TSPAN15: variants seen among roughly 807,000 people sequenced by gnomAD.
TSPAN15 encodes the protein tetraspanin 15.
In TSPAN15, 20 loss-of-function variants were observed where a neutral mutation model predicts 34.5. That is an observed-to-expected ratio of 0.58 (90% CI 0.41 to 0.84). TSPAN15 has a LOEUF of 0.84. Ranked by LOEUF, TSPAN15 falls within the 40% of genes least tolerant of loss-of-function variation. TSPAN15 has a pLI of 0.00. For missense variants in TSPAN15, 313 were observed against 386.1 expected (o/e 0.81, Z 1.59); for synonymous variants, 155 against 153.9 (o/e 1.01, Z -0.05).
chr10:69,487,509 G>T (rs1841879228), intron 3 of TSPAN15, among the ~76,000 whole-genome samples: 2 of 152,036 alleles, frequency 1.3e-5, no homozygotes, highest in Admixed American at 1.3e-4. Flanking sequence ...TCTCTGTGCA[G>T]CCAGCAGAGC....
At chr10:69,471,551 T>TTCTC (rs111306890) in intron 1 of TSPAN15, among the ~76,000 whole-genome samples, 12 of 151,192 alleles carry the variant, frequency 7.9e-5, no homozygotes, top group African/African-American at 2.7e-4. Context: ...CTTTCTTTCT[T>TTCTC]TCTCTCTCAC....
chr10:69,547,793 G>A, the TSPAN15 span, among the ~76,000 whole-genome samples: 1 of 152,162 alleles, frequency 6.6e-6, no homozygotes, highest in Admixed American at 6.5e-5. Flanking sequence ...GCCTCCTCAG[G>A]CCTTCTACCC....
chr10:69,543,701 G>C, the TSPAN15 span, among the ~76,000 whole-genome samples: 2 of 152,276 alleles, frequency 1.3e-5, no homozygotes, highest in South Asian at 4.1e-4. Flanking sequence ...CTCCTCCCTG[G>C]CGGTGGTCCG....
At chr10:69,528,232 C>T in the TSPAN15 span, among the ~76,000 whole-genome samples, 294 of 148,584 alleles carry the variant, frequency 2.0e-3, 26 homozygotes, top group Middle Eastern at 0.017. Context: ...CTGGGGCAGG[C>T]GCACTGCAAG....
intron 1 of TSPAN15, among the ~76,000 whole-genome samples, chr10:69,456,329 C>G (rs965327406): frequency 6.6e-6 from 1 of 152,174 alleles, no homozygotes; most frequent in East Asian, 1.9e-4. Flanking sequence ...TTAAATGATC[C>G]ACCAGCCTGG....
chr10:69,486,499 T>G (rs572716353), intron 3 of TSPAN15, among the ~76,000 whole-genome samples: 21 of 149,286 alleles, frequency 1.4e-4, no homozygotes. Flanking sequence ...GGAGCAGTGG[T>G]GCAGTCATAG....
At chr10:69,534,212 T>C in the TSPAN15 span, among the ~76,000 whole-genome samples, 1 of 152,196 alleles carries the variant, frequency 6.6e-6, no homozygotes, top group Non-Finnish European at 1.5e-5. Flanking sequence ...GGATTTTATA[T>C]CCAGCAAAGG....
At chr10:69,485,510 C>G (rs780796478) in intron 3 of TSPAN15, among the ~76,000 whole-genome samples, 9 of 151,748 alleles carry the variant, frequency 5.9e-5, no homozygotes, top group Admixed American at 5.2e-4. Context: ...AGCATGTGAG[C>G]AAAACAGCGT....
intron 1 of TSPAN15, among the ~76,000 whole-genome samples, chr10:69,471,282 A>T (rs1176503483): frequency 6.6e-6 from 1 of 151,650 alleles, no homozygotes; most frequent in Non-Finnish European, 1.5e-5. Flanking sequence ...TGTATCTAGA[A>T]CCACTTTCAT....
At chr10:69,505,552 A>G (rs573006046) in intron 6 of TSPAN15, among the ~76,000 whole-genome samples, 16 of 151,552 alleles carry the variant, frequency 1.1e-4, no homozygotes, top group Admixed American at 3.3e-4. Flanking sequence ...GTATATTAAA[A>G]CCAATGCAGA....
the TSPAN15 span, among the ~76,000 whole-genome samples, chr10:69,518,387 C>CAG: frequency 0.083 from 12,660 of 152,212 alleles, 647 homozygotes; most frequent in African/African-American, 0.13. Flanking sequence ...GTAAAGGAAA[C>CAG]AGGAATAAAT....
chr10:69,491,604 C>T (rs1841971457), intron 3 of TSPAN15, among the ~76,000 whole-genome samples: 1 of 151,796 alleles, frequency 6.6e-6, no homozygotes, highest in Non-Finnish European at 1.5e-5. Context: ...CTCAAGTAAT[C>T]CTCCTGCCTT....
chr10:69,516,314 A>G, the TSPAN15 span, among the ~76,000 whole-genome samples: 1 of 152,214 alleles, frequency 6.6e-6, no homozygotes, highest in African/African-American at 2.4e-5. Context: ...AAATGGAAGA[A>G]CCAGGATTTG....
intron 1 of TSPAN15, among the ~76,000 whole-genome samples, chr10:69,461,062 G>A (rs1841242634): frequency 6.6e-6 from 1 of 152,204 alleles, no homozygotes; most frequent in Non-Finnish European, 1.5e-5. Context: ...AGAGCGCTGA[G>A]TGGGCATCTG....
At chr10:69,545,046 G>A in the TSPAN15 span, among the ~76,000 whole-genome samples, 1 of 152,184 alleles carries the variant, frequency 6.6e-6, no homozygotes, top group Non-Finnish European at 1.5e-5. Flanking sequence ...GGTGGGGTGG[G>A]GCAGATCTTC....
At chr10:69,531,417 G>A in the TSPAN15 span, among the ~76,000 whole-genome samples, 17 of 152,178 alleles carry the variant, frequency 1.1e-4, no homozygotes, top group Admixed American at 4.6e-4. Context: ...TGGGCAACAC[G>A]GCAAAACCCC....
At chr10:69,505,526 T>C (rs981820649) in intron 6 of TSPAN15, among the ~76,000 whole-genome samples, 1 of 118,560 alleles carries the variant, frequency 8.4e-6, no homozygotes, top group South Asian at 2.7e-4. Context: ...CTAGTAGTAC[T>C]TCTGGAAAAT....
intron 5 of TSPAN15, among the ~76,000 whole-genome samples, chr10:69,503,667 C>T (rs1020853219): frequency 4.6e-5 from 7 of 152,054 alleles, no homozygotes; most frequent in Admixed American, 2.6e-4. Flanking sequence ...CTCACGGCAG[C>T]GTTCACTTAC....
At chr10:69,468,366 T>C (rs10998805) in intron 1 of TSPAN15, among the ~76,000 whole-genome samples, 60,356 of 151,800 alleles carry the variant, frequency 0.4, 12,475 homozygotes, top group Non-Finnish European at 0.45. Context: ...TGTAGGGCAG[T>C]GGCTCTTTGT....
Sources: allele counts gnomAD v4.1 joint callset (sites outside exome capture counted in the v4.1 genomes callset), GRCh38; gene constraint gnomAD v4.1.1; transcripts MANE v1.5; gene names NCBI Gene and HGNC (gene_info 2026-07-23, HGNC 2026-07-21).